Variants in RABGAP1 observed in about 807,000 individuals in gnomAD.
RABGAP1 encodes rab GTPase-activating protein 1.
Under a neutral mutation model 137.6 loss-of-function variants are expected in RABGAP1, and 23 were observed. That is an observed-to-expected ratio of 0.17 (90% CI 0.12 to 0.24). RABGAP1 has a LOEUF of 0.24. Ranked by LOEUF, RABGAP1 falls within the 10% of genes least tolerant of loss-of-function variation. The pLI, the probability that RABGAP1 is intolerant of heterozygous loss-of-function variation, is 1.00. For missense variants in RABGAP1, 906 were observed against 1,275.8 expected (o/e 0.71, Z 4.42); for synonymous variants, 451 against 450.7 (o/e 1.00, Z -0.01).
intron 10 of RABGAP1, among the ~76,000 whole-genome samples, chr9:123,007,277 G>A (rs1465053453): frequency 6.6e-6 from 1 of 150,612 alleles, no homozygotes; most frequent in African/African-American, 2.4e-5. Context: ...CTTTCATCAT[G>A]TTGGCCAGGC....
rs1470533838 is a variant in RABGAP1, at chr9:123,070,458, A to G, written c.1983+34A>G. On this transcript the variant is annotated intron_variant, in intron 15 of 25. Coordinates refer to ENST00000373647, the MANE Select transcript of RABGAP1 (RefSeq NM_012197.4). This position sits in a 1 kb window ranked among gnomAD's most constrained non-coding sequence, Gnocchi z 4.4. ...TTAGGTCTCTGTTATGACTTAACAC[A>G]TGGCCTCCCTCAGCTTATACTAACC... The G allele has an allele frequency of 9.3e-6, 15 of 1,613,686 alleles. No individual in the cohort carries two copies. Among genetic ancestry groups the G allele is most frequent in the Non-Finnish European group, 1.2e-5 (14 of 1,179,854 alleles).
At chr9:123,037,951 C>G (rs2032752645) in intron 13 of RABGAP1, among the ~76,000 whole-genome samples, 1 of 152,118 alleles carries the variant, frequency 6.6e-6, no homozygotes, top group Non-Finnish European at 1.5e-5. Context: ...GGCGGGATAG[C>G]TCATTTAACT....
rs570617533 is a variant in RABGAP1 at position 123,051,026 on chromosome 9, C to T, written c.1795-14322C>T. 4.0e-5 allele frequency among the ~76,000 whole-genome samples: 6 copies of T among 151,044 alleles called. No individual in the cohort carries two copies. The South Asian group carries it at 6.3e-4, about 16-fold the overall frequency. ...TTAGTGAAGGTAGTTATGTGAAAGG[C>T]CAGGATATTGTGATCTAAAAATATA... is the stretch of plus-strand genomic sequence containing the variant. On this transcript the variant is annotated intron_variant, in intron 13 of 25. Coordinates refer to ENST00000373647, the MANE Select transcript of RABGAP1 (RefSeq NM_012197.4).
chr9:123,090,209 C>T (rs2034993404), intron 20 of RABGAP1, 66 bp from the exon 21 acceptor site: 2 of 1,246,168 alleles, frequency 1.6e-6, no homozygotes, highest in Admixed American at 4.6e-5. Flanking sequence ...TGAGGTTTAG[C>T]CCTGAGAAAT....
intron 14 of RABGAP1, 30 bp downstream of exon 14, chr9:123,065,491 A>G: frequency 1.4e-6 from 2 of 1,418,466 alleles, no homozygotes; most frequent in Non-Finnish European, 2.0e-6. Flanking sequence ...AAAAGGACTC[A>G]ATTCTGAGTG....
At chr9:123,093,549 T>C (rs2035093567) in intron 21 of RABGAP1, among the ~76,000 whole-genome samples, 1 of 152,258 alleles carries the variant, frequency 6.6e-6, no homozygotes. Context: ...TTATTAGTTC[T>C]GTGACATTTT....
chr9:123,056,729 T>C (rs2033716429), intron 13 of RABGAP1, among the ~76,000 whole-genome samples: 1 of 152,074 alleles, frequency 6.6e-6, no homozygotes. Context: ...AAGCACATCT[T>C]GCACCGCCCT....
chr9:122,989,723 G>T, intron 5 of RABGAP1: 4 of 545,016 alleles, frequency 7.3e-6, no homozygotes, highest in Non-Finnish European at 1.3e-5. Context: ...TAGGCATTCT[G>T]GTTCTAACAT....
At position 123,006,765 on chromosome 9, in the gene RABGAP1, G is replaced by C. The variant is rs911777707; in HGVS notation, c.1375-3589G>C. 1.9e-3 allele frequency among the ~76,000 whole-genome samples: 288 copies of C among 151,864 alleles called. 2 individuals are homozygous for C. The highest frequency in any genetic ancestry group is 1.1e-3 in the Non-Finnish European group (78 of 67,914). ...TGGGATTACAGGGTTGCACCACCAC[G>C]CCTGGCTAATTTTTTGCATTTTAAA... is the stretch of plus-strand genomic sequence containing the variant. On this transcript the variant is annotated intron_variant, in intron 10 of 25. Coordinates refer to ENST00000373647, the MANE Select transcript of RABGAP1 (RefSeq NM_012197.4).
chr9:123,061,525 T>A (rs2033971566), intron 13 of RABGAP1, among the ~76,000 whole-genome samples: 2 of 152,260 alleles, frequency 1.3e-5, no homozygotes, highest in South Asian at 4.1e-4. Context: ...CAGCACTGAA[T>A]GGCTTGCAAA....
chr9:122,981,353 C>T (rs145314745), intron 2 of RABGAP1, among the ~76,000 whole-genome samples: 1 of 152,056 alleles, frequency 6.6e-6, no homozygotes, highest in Non-Finnish European at 1.5e-5. Context: ...AGCAGAACTT[C>T]TGAAAAAAGA....
At chr9:122,995,928 T>G in intron 6 of RABGAP1, 113 bp from the exon 7 acceptor site, 1 of 1,461,338 alleles carries the variant, frequency 6.8e-7, no homozygotes, top group Non-Finnish European at 9.0e-7. Flanking sequence ...TGTTATTATT[T>G]GCAAACTAGG....
chr9:123,058,072 G>GAGGGGGAC (rs1169359575), intron 13 of RABGAP1, among the ~76,000 whole-genome samples: 1 of 126,150 alleles, frequency 7.9e-6, no homozygotes, highest in East Asian at 2.4e-4. Context: ...GAGAGGGGGA[G>GAGGGGGAC]GAGGGAGAGG....
chr9:122,966,482 C>A (rs1351819634), intron 2 of RABGAP1, among the ~76,000 whole-genome samples: 3 of 152,026 alleles, frequency 2.0e-5, no homozygotes, highest in Non-Finnish European at 4.4e-5. Context: ...TACATTGTGC[C>A]ATTGCCCCCC....
At chr9:122,996,448 A>G (rs1837026801) in intron 7 of RABGAP1, 91 bp from the exon 8 acceptor site, 2 of 1,270,924 alleles carry the variant, frequency 1.6e-6, no homozygotes, top group South Asian at 1.4e-5. Context: ...TCTCTTTTCT[A>G]TCAGCAAGAA....
At chr9:122,984,055 T>C (rs1026130339) in intron 2 of RABGAP1, among the ~76,000 whole-genome samples, 2 of 152,234 alleles carry the variant, frequency 1.3e-5, no homozygotes, top group African/African-American at 2.4e-5. Flanking sequence ...TATTGCCTAA[T>C]ATGTATGTTT....
chr9:123,039,688 G>C (rs760485837), intron 13 of RABGAP1, among the ~76,000 whole-genome samples: 14 of 152,186 alleles, frequency 9.2e-5, no homozygotes, highest in African/African-American at 2.4e-5. Context: ...ACTTCAGGCA[G>C]TGCTTTCAAA....
rs55683114 is a variant in RABGAP1, at chr9:122,948,042, A to AACACACACACACACAC, written c.-50+6975_-50+6990dup. Among the ~76,000 whole-genome samples the AACACACACACACACAC allele has an allele frequency of 6.8e-5, 10 of 146,046 alleles. No homozygotes were observed. In the East Asian group the frequency reaches 8.2e-4, roughly 12 times the overall value. On this transcript the variant is annotated intron_variant, in intron 1 of 25. Coordinates refer to ENST00000373647, the MANE Select transcript of RABGAP1 (RefSeq NM_012197.4). ...GTGAAACAAAGTTCAGAGCCAGGAA[A>AACACACACACACACAC]ACACACACACACACACACACACACA...
intron 4 of RABGAP1, among the ~76,000 whole-genome samples, chr9:122,987,523 C>T (rs1006124127): frequency 6.6e-6 from 1 of 151,646 alleles, no homozygotes; most frequent in African/African-American, 2.4e-5. Flanking sequence ...TTTTTTTTAA[C>T]AGCAATGGAC....
Sources: allele counts gnomAD v4.1 joint callset (sites outside exome capture counted in the v4.1 genomes callset), GRCh38; gene constraint gnomAD v4.1.1; non-coding constraint Gnocchi (gnomAD v3.1); transcripts MANE v1.5; gene names NCBI Gene and HGNC (gene_info 2026-07-23, HGNC 2026-07-21).